The following TSACC variants were observed in gnomAD, a reference collection of about 807,000 sequenced individuals.
The protein encoded by TSACC is TSSK6-activating co-chaperone protein.
A neutral mutation model predicts 6.9 loss-of-function variants in TSACC; 3 were observed. That is an observed-to-expected ratio of 0.43 (90% confidence interval 0.20 to 1.12). The LOEUF (loss-of-function observed/expected upper bound fraction) is 1.12, where lower values mean the gene tolerates loss of function less well. TSACC is among the 50% of genes most tolerant of loss of function. TSACC has a pLI of 0.28. For missense variants in TSACC, 137 were observed against 143.9 expected (o/e 0.95, Z 0.24); for synonymous variants, 54 against 55.1 (o/e 0.98, Z 0.09).
At chr1:156,345,541 CA>C (rs1424047781) in intron 3 of TSACC, among the ~76,000 whole-genome samples, 1 of 148,874 alleles carries the variant, frequency 6.7e-6, no homozygotes, top group Non-Finnish European at 1.5e-5. Context: ...CCAGCCTGGG[CA>C]ACAAGAGTGA....
chr1:156,338,455 G>A (rs1665571389), upstream of TSACC: 1 of 555,672 alleles, frequency 1.8e-6, no homozygotes, highest in Admixed American at 3.2e-5. Flanking sequence ...GGGCACAGGC[G>A]CTTGCGCAGT....
intron 2 of TSACC, among the ~76,000 whole-genome samples, chr1:156,342,906 T>C (rs909200591): frequency 6.6e-6 from 1 of 152,248 alleles, no homozygotes; most frequent in African/African-American, 2.4e-5. Context: ...GTCTCCCTAC[T>C]GTCTTGCCTT....
chr1:156,345,739 C>G (rs1389531496), intron 3 of TSACC, among the ~76,000 whole-genome samples: 1 of 148,874 alleles, frequency 6.7e-6, no homozygotes, highest in Non-Finnish European at 1.5e-5. Flanking sequence ...ATGGTGGCAC[C>G]TGCCTGTAAT....
At chr1:156,344,760 A>C in intron 3 of TSACC, 52 bp downstream of exon 3, 3 of 1,592,814 alleles carry the variant, frequency 1.9e-6, no homozygotes, top group Non-Finnish European at 2.6e-6. Flanking sequence ...GAAGGGTTGC[A>C]TGGAGGAGGT....
chr1:156,344,689 G>A lies in TSACC; in HGVS notation c.144G>A (p.Gln48=). 6.2e-7 allele frequency: 1 copy of A among 1,614,056 alleles called. No homozygotes were observed. Among genetic ancestry groups the A allele is most frequent in the Non-Finnish European group, 8.5e-7 (1 of 1,180,010 alleles). The change falls in exon 3 of 4, where the codon CAG becomes CAA. Residue 48 remains glutamine, a synonymous_variant. Transcript: ENST00000368254. ...CACCAGCCACTTTTCTGAACATCCAGACAACAAAGCTGCCCTCGGGTAAGG... is the reference window on the plus strand; with the variant it reads ...CACCAGCCACTTTTCTGAACATCCAAACAACAAAGCTGCCCTCGGGTAAGG... ...SSPPATFLNI[Q]TTKLPSVDHK...
upstream of TSACC, chr1:156,338,083 G>A (rs1449030457): frequency 7.2e-6 from 11 of 1,518,352 alleles, no homozygotes; most frequent in Middle Eastern, 1.7e-4. Context: ...GACGGAGCTG[G>A]GGCAACACTG....
chr1:156,344,469 CAT>C (rs1666056448), intron 2 of TSACC, 109 bp from the exon 3 acceptor site: 5 of 1,408,108 alleles, frequency 3.6e-6, no homozygotes, highest in Non-Finnish European at 4.8e-6. Flanking sequence ...TGATATGTAA[CAT>C]ATTCACGGCA....
rs143541734 is a variant in TSACC at position 156,344,676 on chromosome 1, T to G, written c.131T>G (p.Phe44Cys). 2.9e-5 allele frequency: 46 copies of G among 1,613,990 alleles called. No individual in the cohort carries two copies. The highest frequency in any genetic ancestry group is 3.8e-5 in the Non-Finnish European group (45 of 1,180,008). Residue 44 changes from phenylalanine (F) to cysteine (C), a missense_variant, in exon 3 of 4, where the codon TTT (phenylalanine) becomes TGT (cysteine). Transcript: ENST00000368254. Reference sequence around the variant, plus strand: ...CAAGCAAGTTCCCCACCAGCCACTTTTCTGAACATCCAGACAACAAAGCTG... The same window carrying G: ...CAAGCAAGTTCCCCACCAGCCACTTGTCTGAACATCCAGACAACAAAGCTG... ...NLQASSPPAT[F>C]LNIQTTKLPS...
intron 2 of TSACC, 30 bp downstream of exon 2, chr1:156,339,821 C>T (rs1195051292): frequency 3.1e-6 from 5 of 1,612,780 alleles, no homozygotes; most frequent in Non-Finnish European, 4.2e-6. Context: ...CTTCCCCTCC[C>T]TTAAAAAGCA....
At chr1:156,343,547 C>T (rs1381683915) in intron 2 of TSACC, among the ~76,000 whole-genome samples, 1 of 152,116 alleles carries the variant, frequency 6.6e-6, no homozygotes, top group Non-Finnish European at 1.5e-5. Flanking sequence ...ACACAGAATC[C>T]ATATATTGAT....
chr1:156,341,108 C>T lies in TSACC; in HGVS notation c.34+1317C>T, dbSNP rs115607435. 9.6e-3 allele frequency among the ~76,000 whole-genome samples: 1,458 copies of T among 152,298 alleles called. 23 individuals carry two copies. The highest frequency in any genetic ancestry group is 0.034 in the African/African-American group (1,394 of 41,540). Reference sequence around the variant, plus strand: ...CTGGGATTACAGGCGTGAGCCATCGCGCCTGGCCAGTTTACCACTTATTTA... The same window carrying T: ...CTGGGATTACAGGCGTGAGCCATCGTGCCTGGCCAGTTTACCACTTATTTA... On this transcript the variant is annotated intron_variant, in intron 2 of 3. Transcript: ENST00000368254.
At chr1:156,337,813 G>T, upstream of TSACC, 1 of 332,258 alleles carries the variant, frequency 3.0e-6, no homozygotes, top group Non-Finnish European at 5.5e-6. Flanking sequence ...AAAAAAAAAC[G>T]TTATTCGTGC....
chr1:156,339,845 A>G, intron 2 of TSACC, 54 bp downstream of exon 2: 1 of 1,598,562 alleles, frequency 6.3e-7, no homozygotes, highest in Non-Finnish European at 8.6e-7. Context: ...CCTCCTTTGC[A>G]TTCCCCACTA....
At position 156,340,403 on chromosome 1, in the gene TSACC, A is replaced by G. The variant is rs1307386831; in HGVS notation, c.34+612A>G. 2.0e-5 allele frequency among the ~76,000 whole-genome samples: 3 copies of G among 150,606 alleles called. No individual in the cohort carries two copies. In the South Asian group the frequency reaches 6.3e-4, roughly 32 times the overall value. ...CTTAATCTCCTGACCTTGTGATCCA[A>G]CTGCCTTGGACTCCCAAAGTGCTGG... On this transcript the variant is annotated intron_variant, in intron 2 of 3. Transcript: ENST00000368254.
chr1:156,344,748 G>GTTAGGGTTAGGGTTAGGCTGCGCAGTCC (rs756184796), intron 3 of TSACC, 40 bp downstream of exon 3: 3 of 1,603,332 alleles, frequency 1.9e-6, no homozygotes, highest in South Asian at 2.2e-5. Context: ...ACTCAACAGG[G>GTTAGGGTTAGGGTTAGGCTGCGCAGTCC]GGAAGGGTTG....
At chr1:156,340,738 G>C (rs537692639) in intron 2 of TSACC, among the ~76,000 whole-genome samples, 1 of 152,366 alleles carries the variant, frequency 6.6e-6, no homozygotes, top group Admixed American at 6.5e-5. Flanking sequence ...TGGGATTACA[G>C]GTGTGAGCCA....
chr1:156,346,784 G>A lies in TSACC; in HGVS notation c.180G>A (p.Lys60=). 1 of 1,614,114 alleles carries A rather than the reference G, an allele frequency of 6.2e-7. No homozygotes were observed. The change falls in exon 4 of 4, where the codon AAG becomes AAA. Residue 60 remains lysine (K), a synonymous_variant. Coordinates refer to ENST00000368254, the MANE Select transcript of TSACC (RefSeq NM_001304817.2). ...CTTCTGGAGTTGATCACAAGCCCAA[G>A]GAATGCCTAGGACTCCTGGAATGTA... ...TKLPSVDHKP[K]ECLGLLECMY...
At chr1:156,338,255 G>C (rs545442048), upstream of TSACC, 3 of 1,505,002 alleles carry the variant, frequency 2.0e-6, no homozygotes, top group Admixed American at 2.0e-5. Context: ...GAGAGAACCA[G>C]ACAGAAGCCC....
rs756469120 is a variant in TSACC at position 156,344,707 on chromosome 1, G to A, written c.162G>A (p.Ser54=). The change falls in exon 3 of 4, where the codon TCG becomes TCA. Residue 54 remains serine (S), a splice_region_variant and synonymous_variant. Transcript: ENST00000368254. ...FLNIQTTKLP[S]VDHKPKECLG... ...ACATCCAGACAACAAAGCTGCCCTCGGGTAAGGATGTAGGGAGGGTTTTCT... is the reference window on the plus strand; with the variant it reads ...ACATCCAGACAACAAAGCTGCCCTCAGGTAAGGATGTAGGGAGGGTTTTCT... 7.4e-6 allele frequency: 12 copies of A among 1,613,654 alleles called. No homozygotes were observed. The African/African-American group carries it at 8.0e-5, about 11-fold the overall frequency.
Sources: allele counts gnomAD v4.1 joint callset (sites outside exome capture counted in the v4.1 genomes callset), GRCh38; gene constraint gnomAD v4.1.1; transcripts MANE v1.5; gene names NCBI Gene and HGNC (gene_info 2026-07-23, HGNC 2026-07-21).